Variants in COL11A1 observed in about 807,000 individuals in gnomAD.
COL11A1 encodes collagen type XI alpha 1 chain.
COL11A1 carries 74 observed loss-of-function variants against 265.2 expected under a neutral mutation model. The observed-to-expected ratio is 0.28, with a 90% CI of 0.23 to 0.34. COL11A1 has a LOEUF of 0.34. Ranked by LOEUF, COL11A1 falls within the 10% of genes least tolerant of loss-of-function variation. The pLI, the probability that COL11A1 is intolerant of heterozygous loss-of-function variation, is 1.00. For missense variants in COL11A1, 2,165 were observed against 2,263.6 expected (o/e 0.96, Z 0.88); for synonymous variants, 816 against 727.6 (o/e 1.12, Z -1.96).
At chr1:103,092,381 T>A (rs1344971037) in intron 1 of COL11A1, among the ~76,000 whole-genome samples, 1 of 152,134 alleles carries the variant, frequency 6.6e-6, no homozygotes, top group African/African-American at 2.4e-5. Context: ...AAAATATATG[T>A]AGATACAAGT....
Position 103,005,859 on chromosome 1 carries a change from C to G in COL11A1, c.1824G>C (p.Leu608=). 1 of 1,613,898 alleles carries G rather than the reference C, an allele frequency of 6.2e-7. No homozygotes were observed. Among genetic ancestry groups the G allele is most frequent in the Non-Finnish European group, 8.5e-7 (1 of 1,179,970 alleles). The part of the protein sequence containing the change: ...GDRGFDGLPG[L]PGDKGHRGER... ...TTACCCTGTGACCTTTGTCACCTGG[C>G]AGACCCGGAAGTCCATCAAACCCTC... Residue 608 remains leucine, a synonymous_variant, in exon 18 of 67, where the codon CTG becomes CTC. Transcript: ENST00000370096.
At chr1:102,878,766 C>T (rs1415293228) in intron 66 of COL11A1, among the ~76,000 whole-genome samples, 1 of 151,670 alleles carries the variant, frequency 6.6e-6, no homozygotes, top group South Asian at 2.1e-4. Flanking sequence ...GCCATGGCTG[C>T]CCAAAGTTCT....
chr1:102,901,899 T>C (rs1008508300), intron 54 of COL11A1, among the ~76,000 whole-genome samples: 2 of 152,176 alleles, frequency 1.3e-5, no homozygotes, highest in Non-Finnish European at 2.9e-5. Context: ...ACATAACATG[T>C]AAAATCAAAT....
intron 9 of COL11A1, among the ~76,000 whole-genome samples, chr1:103,020,320 T>C (rs1285501002): frequency 7.3e-6 from 1 of 136,852 alleles, no homozygotes; most frequent in Non-Finnish European, 1.6e-5. Flanking sequence ...GGTTTTGATT[T>C]GCATTTCTCT....
At chr1:102,881,426 G>C (rs1187782362) in intron 65 of COL11A1, among the ~76,000 whole-genome samples, 1 of 152,030 alleles carries the variant, frequency 6.6e-6, no homozygotes, top group Non-Finnish European at 1.5e-5. Flanking sequence ...TTTTTATGAT[G>C]TCTATCTCAG....
chr1:103,091,788 C>T (rs1307298585), intron 1 of COL11A1, among the ~76,000 whole-genome samples: 1 of 151,816 alleles, frequency 6.6e-6, no homozygotes, highest in Non-Finnish European at 1.5e-5. Flanking sequence ...TGATAGGCAC[C>T]TTGAAAAAAA....
intron 20 of COL11A1, among the ~76,000 whole-genome samples, chr1:103,003,796 C>T (rs1358191456): frequency 6.6e-6 from 1 of 152,112 alleles, no homozygotes; most frequent in Admixed American, 6.5e-5. Context: ...CTTGATTTCT[C>T]CTTCTCTTCT....
intron 41 of COL11A1, among the ~76,000 whole-genome samples, chr1:102,949,766 A>G (rs753686157): frequency 5.9e-5 from 9 of 152,104 alleles, no homozygotes; most frequent in Non-Finnish European, 1.2e-4. Flanking sequence ...AATTTCCTTG[A>G]CTCATTGTAC....
At chr1:103,067,121 A>C (rs1458646405) in intron 4 of COL11A1, among the ~76,000 whole-genome samples, 1 of 151,986 alleles carries the variant, frequency 6.6e-6, no homozygotes, top group African/African-American at 2.4e-5. Context: ...AAGTAGACAA[A>C]AAAATAAGAA....
chr1:103,053,522 C>T (rs1288227183), intron 4 of COL11A1, among the ~76,000 whole-genome samples: 1 of 152,144 alleles, frequency 6.6e-6, no homozygotes, highest in African/African-American at 2.4e-5. Context: ...TAATGTGGCA[C>T]ATTTTTGTTT....
At chr1:102,933,893 AACTCCCTG>A (rs1187083727) in intron 46 of COL11A1, among the ~76,000 whole-genome samples, 2 of 152,098 alleles carry the variant, frequency 1.3e-5, no homozygotes, top group African/African-American at 4.8e-5. Context: ...TCAGAAAGGG[AACTCCCTG>A]ACCCCTTTTG....
intron 54 of COL11A1, among the ~76,000 whole-genome samples, chr1:102,904,176 GT>G (rs1653590750): frequency 6.6e-6 from 1 of 152,092 alleles, no homozygotes; most frequent in Non-Finnish European, 1.5e-5. Flanking sequence ...AAGGGATCCA[GT>G]TTTAGCTTTC....
chr1:102,931,053 T>A (rs2101157454), intron 46 of COL11A1, among the ~76,000 whole-genome samples: 1 of 146,920 alleles, frequency 6.8e-6, no homozygotes, highest in African/African-American at 2.5e-5. Context: ...GCTCCTGGAT[T>A]CATTAATTTT....
chr1:103,005,578 C>A (rs1447379621), intron 18 of COL11A1, among the ~76,000 whole-genome samples: 1 of 152,108 alleles, frequency 6.6e-6, no homozygotes, highest in East Asian at 1.9e-4. Context: ...GTGATATTTT[C>A]CAGGTAAATG....
In COL11A1 at chr1:102,940,525, T is replaced by G. The variant is rs1040696013; in HGVS notation, c.3277-91A>C. 6.3e-5 allele frequency: 59 copies of G among 930,860 alleles called. No individual in the cohort carries two copies. The African/African-American group carries it at 9.4e-4, about 15-fold the overall frequency. The allele number at this position is 930,860 out of a possible 1,614,324, so 57.7% of individuals were successfully genotyped here. Reference sequence around the variant, plus strand: ...TAGCTTCTATATTTGACAAGGATATTGTTTAATGTTTTTTAGAAAAACATT... The same window carrying G: ...TAGCTTCTATATTTGACAAGGATATGGTTTAATGTTTTTTAGAAAAACATT... On this transcript the variant is annotated intron_variant, in intron 42 of 66. Transcript: ENST00000370096.
At chr1:103,002,655 AT>A in intron 22 of COL11A1, 91 bp downstream of exon 22, 6 of 1,237,402 alleles carry the variant, frequency 4.8e-6, no homozygotes, top group Middle Eastern at 3.9e-4. Context: ...GCAAAATGTA[AT>A]AAATCATTAT....
chr1:102,915,752 G>T, intron 49 of COL11A1, 68 bp from the exon 50 acceptor site: 1 of 1,232,804 alleles, frequency 8.1e-7, no homozygotes, highest in South Asian at 1.3e-5. Flanking sequence ...AAATTCAAAT[G>T]TTATCATATC....
chr1:102,979,849 T>G (rs1211003765), intron 31 of COL11A1, among the ~76,000 whole-genome samples: 6 of 152,206 alleles, frequency 3.9e-5, no homozygotes, highest in Non-Finnish European at 8.8e-5. Flanking sequence ...ATGTTTTTCC[T>G]GAATTAATAT....
At chr1:103,104,647 G>T (rs1390483148) in intron 1 of COL11A1, among the ~76,000 whole-genome samples, 4 of 152,090 alleles carry the variant, frequency 2.6e-5, no homozygotes, top group Admixed American at 2.0e-4. Flanking sequence ...CTAGGTAAAA[G>T]AATCTGTGCC....
Sources: allele counts gnomAD v4.1 joint callset (sites outside exome capture counted in the v4.1 genomes callset), GRCh38; gene constraint gnomAD v4.1.1; transcripts MANE v1.5; gene names NCBI Gene and HGNC (gene_info 2026-07-23, HGNC 2026-07-21).